The following RPS6KC1 variants were observed in gnomAD, a reference collection of about 807,000 sequenced individuals.
RPS6KC1 encodes the protein inactive ribosomal protein S6 kinase delta-1.
Under a neutral mutation model 103.8 loss-of-function variants are expected in RPS6KC1, and 54 were observed. The ratio of observed to expected loss-of-function variants is 0.52; its 90% CI spans 0.42 to 0.65. RPS6KC1 has a LOEUF of 0.65. Among genes scored for constraint, RPS6KC1 ranks in the 30% least tolerant of loss-of-function variants. The probability of loss-of-function intolerance (pLI) is 0.00; values close to 1 mark genes in which losing one functional copy is unlikely to be tolerated. For synonymous variants in RPS6KC1, 439 were observed against 438.7 expected (o/e 1.00, Z -0.01); for missense variants, 1,151 against 1,253.8 (o/e 0.92, Z 1.24).
At chr1:213,378,579 A>G in the RPS6KC1 span, among the ~76,000 whole-genome samples, 1 of 152,248 alleles carries the variant, frequency 6.6e-6, no homozygotes, top group Non-Finnish European at 1.5e-5. Context: ...ACTGATGTTT[A>G]CTGAACCCAA....
chr1:213,536,815 A>G, the RPS6KC1 span, among the ~76,000 whole-genome samples: 1 of 152,194 alleles, frequency 6.6e-6, no homozygotes, highest in Admixed American at 6.5e-5. Context: ...CAGGTTCAAG[A>G]GGCTGAAGAA....
the RPS6KC1 span, among the ~76,000 whole-genome samples, chr1:213,822,830 G>T: frequency 6.6e-6 from 1 of 152,162 alleles, no homozygotes; most frequent in Non-Finnish European, 1.5e-5. Flanking sequence ...TCCTGGGGTT[G>T]TTTCCTAGAT....
At chr1:213,665,466 TA>T in the RPS6KC1 span, among the ~76,000 whole-genome samples, 1 of 151,950 alleles carries the variant, frequency 6.6e-6, no homozygotes, top group South Asian at 2.1e-4. Context: ...TAATTTCCAT[TA>T]AAAATAAAAT....
chr1:213,234,677 C>A (rs1393988302), intron 10 of RPS6KC1, among the ~76,000 whole-genome samples: 2 of 152,176 alleles, frequency 1.3e-5, no homozygotes, highest in Non-Finnish European at 2.9e-5. Context: ...GAGCCTTGTA[C>A]AGCAGAGTAA....
the RPS6KC1 span, among the ~76,000 whole-genome samples, chr1:213,343,910 G>A: frequency 4.6e-5 from 7 of 152,026 alleles, no homozygotes; most frequent in East Asian, 1.3e-3. Context: ...ATTGCTAGAC[G>A]AAAATGGCAT....
At chr1:213,064,913 G>C (rs2148396879) in intron 1 of RPS6KC1, among the ~76,000 whole-genome samples, 1 of 149,436 alleles carries the variant, frequency 6.7e-6, no homozygotes, top group Middle Eastern at 3.6e-3. Flanking sequence ...CTGACCTTGT[G>C]ATCCACCCGC....
chr1:213,732,392 A>G, the RPS6KC1 span, among the ~76,000 whole-genome samples: 7 of 151,790 alleles, frequency 4.6e-5, no homozygotes, highest in Admixed American at 6.6e-5. Flanking sequence ...TAAAATAGAA[A>G]AAGCCCTTTG....
At chr1:213,853,817 A>C in the RPS6KC1 span, among the ~76,000 whole-genome samples, 1 of 152,188 alleles carries the variant, frequency 6.6e-6, no homozygotes, top group Admixed American at 6.5e-5. Context: ...CTGATGCTCT[A>C]AACTCTCATC....
chr1:213,581,120 G>T, the RPS6KC1 span, among the ~76,000 whole-genome samples: 2 of 151,964 alleles, frequency 1.3e-5, no homozygotes, highest in African/African-American at 4.8e-5. Context: ...TGTTTCCCAT[G>T]GCAGGGCATA....
chr1:213,697,220 G>A, the RPS6KC1 span, among the ~76,000 whole-genome samples: 1,517 of 152,336 alleles, frequency 1.0e-2, 25 homozygotes, highest in Admixed American at 0.036. Flanking sequence ...AGGAACCTCC[G>A]TGTGTTCAAC....
the RPS6KC1 span, among the ~76,000 whole-genome samples, chr1:213,685,676 G>A: frequency 2.0e-5 from 3 of 150,786 alleles, no homozygotes; most frequent in African/African-American, 7.3e-5. Flanking sequence ...AACCTACATC[G>A]CACATTTATT....
At chr1:213,307,841 T>C in the RPS6KC1 span, among the ~76,000 whole-genome samples, 1 of 152,116 alleles carries the variant, frequency 6.6e-6, no homozygotes, top group African/African-American at 2.4e-5. Flanking sequence ...TGGTCTCCTG[T>C]CTTTCTTTGT....
chr1:213,557,471 G>A, the RPS6KC1 span, among the ~76,000 whole-genome samples: 3 of 152,188 alleles, frequency 2.0e-5, no homozygotes, highest in Non-Finnish European at 2.9e-5. Flanking sequence ...GCTGGAGAGG[G>A]AAGAAGAGGC....
chr1:213,232,368 C>T, intron 10 of RPS6KC1, 113 bp downstream of exon 10: 2 of 1,338,900 alleles, frequency 1.5e-6, no homozygotes, highest in Middle Eastern at 2.1e-4. Flanking sequence ...TTTAAGAAAC[C>T]ATTTCCTATT....
chr1:213,527,977 T>C, the RPS6KC1 span, among the ~76,000 whole-genome samples: 3 of 152,160 alleles, frequency 2.0e-5, no homozygotes, highest in Admixed American at 6.5e-5. Context: ...TGATTCATCA[T>C]AAAGGCCTTC....
At chr1:213,738,330 G>A in the RPS6KC1 span, among the ~76,000 whole-genome samples, 1 of 152,204 alleles carries the variant, frequency 6.6e-6, no homozygotes, top group African/African-American at 2.4e-5. Flanking sequence ...AAAATAACAT[G>A]TATAAACCCA....
chr1:213,567,190 G>A, the RPS6KC1 span, among the ~76,000 whole-genome samples: 3 of 152,148 alleles, frequency 2.0e-5, no homozygotes, highest in Non-Finnish European at 4.4e-5. Context: ...GTTATCAGAG[G>A]AGACTATTTT....
the RPS6KC1 span, among the ~76,000 whole-genome samples, chr1:213,559,277 CCCAGTGGGGA>C: frequency 3.3e-5 from 5 of 152,186 alleles, no homozygotes; most frequent in Non-Finnish European, 7.3e-5. Context: ...CACCACACTG[CCCAGTGGGGA>C]CCCTTTGTTC....
the RPS6KC1 span, among the ~76,000 whole-genome samples, chr1:213,611,088 T>C: frequency 3.9e-5 from 6 of 152,246 alleles, no homozygotes; most frequent in African/African-American, 1.2e-4. Flanking sequence ...CAAGCTTTTT[T>C]GGGACTGGTC....
Sources: gnomAD v4.1 joint callset for allele counts (sites outside exome capture counted in the v4.1 genomes callset) on GRCh38, gnomAD v4.1.1 for gene constraint, MANE v1.5 for transcripts, NCBI Gene and HGNC (gene_info 2026-07-23, HGNC 2026-07-21) for gene names.